PAK5: variants seen among roughly 807,000 people sequenced by gnomAD.
The protein encoded by PAK5 is serine/threonine-protein kinase PAK 5.
Under a neutral mutation model 65.9 loss-of-function variants are expected in PAK5, and 16 were observed. The ratio of observed to expected loss-of-function variants is 0.24; its 90% confidence interval spans 0.16 to 0.37. The LOEUF (loss-of-function observed/expected upper bound fraction) is 0.37. Among genes scored for constraint, PAK5 ranks in the 10% least tolerant of loss-of-function variants. The pLI is 1.00. For synonymous variants in PAK5, 371 were observed against 354.9 expected (o/e 1.05, Z -0.51); for missense variants, 785 against 903.9 (o/e 0.87, Z 1.69).
rs1387907710 is a variant in PAK5 at position 9,797,148 on chromosome 20, G to C, written c.-162+41614C>G. On this transcript the variant is annotated intron_variant, in intron 1 of 9. Coordinates refer to ENST00000353224, the MANE Select transcript of PAK5 (RefSeq NM_177990.4). The stretch of plus-strand genomic sequence containing the variant: ...CGTTTCTCTGATGGCCAGTGATGAT[G>C]AGCATTTTTTCATGTGTCTGTTGGC... Among the ~76,000 whole-genome samples, 4 of 151,532 alleles carry C rather than the reference G, an allele frequency of 2.6e-5. No homozygotes were observed. In the South Asian group the frequency reaches 8.3e-4, roughly 32 times the overall value.
intron 1 of PAK5, among the ~76,000 whole-genome samples, chr20:9,793,165 A>C (rs2049068081): frequency 6.6e-6 from 1 of 152,080 alleles, no homozygotes; most frequent in Non-Finnish European, 1.5e-5. Flanking sequence ...AGCTGACTTT[A>C]TCCATTTATT....
intron 2 of PAK5, among the ~76,000 whole-genome samples, chr20:9,703,883 G>A (rs1314553046): frequency 1.3e-5 from 2 of 152,184 alleles, no homozygotes; most frequent in Admixed American, 1.3e-4. Context: ...TCAGCATGGA[G>A]GCAATGAGCA....
intron 2 of PAK5, among the ~76,000 whole-genome samples, chr20:9,665,448 T>C (rs2047404076): frequency 6.6e-6 from 1 of 152,104 alleles, no homozygotes; most frequent in Non-Finnish European, 1.5e-5. Context: ...ATTCTTGCCA[T>C]TAAGATAAGC....
intron 1 of PAK5, among the ~76,000 whole-genome samples, chr20:9,713,829 A>G (rs896450279): frequency 1.3e-5 from 2 of 152,108 alleles, no homozygotes; most frequent in African/African-American, 2.4e-5. Flanking sequence ...AGATGGTAGA[A>G]TAATGGTTTC....
chr20:9,798,008 A>G (rs918209769), intron 1 of PAK5, among the ~76,000 whole-genome samples: 1 of 152,130 alleles, frequency 6.6e-6, no homozygotes, highest in East Asian at 1.9e-4. Flanking sequence ...GCTGTTCTGG[A>G]AAAGAAGCCA....
At chr20:9,823,675 T>A (rs939681777) in intron 1 of PAK5, among the ~76,000 whole-genome samples, 2 of 152,202 alleles carry the variant, frequency 1.3e-5, no homozygotes, top group African/African-American at 4.8e-5. Context: ...TTACCCAGTC[T>A]TGGGTATGTC....
In PAK5 at chr20:9,538,648, C is replaced by T. The variant is rs878950533; in HGVS notation, c.*814G>A. 7 of 233,000 alleles carry T rather than the reference C, an allele frequency of 3.0e-5. No individual in the cohort carries two copies. Among genetic ancestry groups the T allele is most frequent in the South Asian group, 1.8e-4 (1 of 5,526 alleles). The allele number at this position is 233,000 out of a possible 1,614,324, so 14.4% of individuals were successfully genotyped here. Reference sequence around the variant, plus strand: ...CAAAAGAATGGTTTGCTACTAGAGGCGTTCATGGAAAATGTGATCTTTAAA... The same window carrying T: ...CAAAAGAATGGTTTGCTACTAGAGGTGTTCATGGAAAATGTGATCTTTAAA... On this transcript the variant is annotated 3_prime_UTR_variant, in exon 10 of 10. Coordinates refer to ENST00000353224, the MANE Select transcript of PAK5 (RefSeq NM_177990.4).
chr20:9,617,613 T>C (rs573968382), intron 3 of PAK5, among the ~76,000 whole-genome samples: 128 of 138,522 alleles, frequency 9.2e-4, no homozygotes, highest in African/African-American at 3.1e-3. Flanking sequence ...TGGAGTGCAG[T>C]GGTGCGATCT....
intron 1 of PAK5, among the ~76,000 whole-genome samples, chr20:9,804,704 AATG>A (rs1441033286): frequency 6.6e-6 from 1 of 152,148 alleles, no homozygotes; most frequent in Non-Finnish European, 1.5e-5. Context: ...ACCGAAGAAA[AATG>A]ATAACTTTGG....
chr20:9,563,464 A>G (rs573017380), intron 5 of PAK5, among the ~76,000 whole-genome samples: 2 of 152,328 alleles, frequency 1.3e-5, no homozygotes, highest in South Asian at 2.1e-4. Flanking sequence ...GAAGTAAACT[A>G]TCTATTATTA....
chr20:9,605,369 T>C (rs1442787329), intron 3 of PAK5, among the ~76,000 whole-genome samples: 1 of 152,222 alleles, frequency 6.6e-6, no homozygotes, highest in African/African-American at 2.4e-5. Context: ...TCAGGGGATA[T>C]GAAGCAGGGC....
intron 2 of PAK5, among the ~76,000 whole-genome samples, chr20:9,683,375 G>A (rs1284220979): frequency 6.6e-6 from 1 of 152,212 alleles, no homozygotes; most frequent in East Asian, 1.9e-4. Context: ...AGAAATTTCA[G>A]AAAGTGATGC....
chr20:9,753,865 A>T (rs994698283), intron 1 of PAK5, among the ~76,000 whole-genome samples: 5 of 152,126 alleles, frequency 3.3e-5, no homozygotes, highest in African/African-American at 4.8e-5. Context: ...TCATGGATCA[A>T]GCTGAGGCTA....
At chr20:9,700,641 C>G (rs983225802) in intron 2 of PAK5, among the ~76,000 whole-genome samples, 1 of 152,012 alleles carries the variant, frequency 6.6e-6, no homozygotes, top group Admixed American at 6.6e-5. Context: ...GCTGTTATAC[C>G]AGGGAGAAGA....
intron 1 of PAK5, among the ~76,000 whole-genome samples, chr20:9,792,887 G>T (rs2049064653): frequency 6.6e-6 from 1 of 152,106 alleles, no homozygotes; most frequent in Non-Finnish European, 1.5e-5. Flanking sequence ...TCAATCAAAC[G>T]TTCTGGCAGA....
At chr20:9,734,545 C>T (rs893685014) in intron 1 of PAK5, among the ~76,000 whole-genome samples, 4 of 138,116 alleles carry the variant, frequency 2.9e-5, no homozygotes, top group Admixed American at 7.6e-5. Context: ...GACACACACG[C>T]GCACATGCAC....
chr20:9,593,828 C>T (rs1316884979), intron 3 of PAK5, among the ~76,000 whole-genome samples: 1 of 150,424 alleles, frequency 6.6e-6, no homozygotes, highest in African/African-American at 2.4e-5. Context: ...CTCTCTCTTT[C>T]TCTCTCTCTC....
In PAK5 at chr20:9,671,528, T is replaced by G. The variant is rs1483980098; in HGVS notation, c.-11-27189A>C. Among the ~76,000 whole-genome samples the G allele has an allele frequency of 5.9e-5, 9 of 152,124 alleles. No individual in the cohort carries two copies. In the East Asian group the frequency reaches 1.7e-3, roughly 29 times the overall value. On this transcript the variant is annotated intron_variant, in intron 2 of 9. Transcript: ENST00000353224. ...TGGATTCCTAGGTATTTTATTCTCTTTGAATCAATTGTGAATGGGAGTTCA... is the reference window on the plus strand; with the variant it reads ...TGGATTCCTAGGTATTTTATTCTCTGTGAATCAATTGTGAATGGGAGTTCA...
rs114708448 is a variant in PAK5 at position 9,717,427 on chromosome 20, A to G, written c.-161-5992T>C. Among the ~76,000 whole-genome samples the G allele has an allele frequency of 3.4e-3, 523 of 152,312 alleles. 3 individuals carry two copies. In the South Asian group the frequency reaches 0.038, roughly 11 times the overall value. On this transcript the variant is annotated intron_variant, in intron 1 of 9. Transcript: ENST00000353224. ...GTAAAAAAATTAGCGTGCATTTTTTACCAAGTACAAAACCATTCCAAGCAG... is the reference window on the plus strand; with the variant it reads ...GTAAAAAAATTAGCGTGCATTTTTTGCCAAGTACAAAACCATTCCAAGCAG...
Sources: gnomAD v4.1 joint callset for allele counts (sites outside exome capture counted in the v4.1 genomes callset) on GRCh38, gnomAD v4.1.1 for gene constraint, MANE v1.5 for transcripts, NCBI Gene and HGNC (gene_info 2026-07-23, HGNC 2026-07-21) for gene names.